NBEA: variants seen among roughly 807,000 people sequenced by gnomAD.
NBEA encodes the protein neurobeachin.
NBEA carries 44 observed loss-of-function variants against 343.4 expected under a neutral mutation model. That is an observed-to-expected ratio of 0.13 (90% CI 0.10 to 0.16). NBEA has a LOEUF of 0.16. NBEA is among the 10% of genes least tolerant of loss of function. The probability of loss-of-function intolerance (pLI) is 1.00; values close to 1 mark genes in which losing one functional copy is unlikely to be tolerated. For synonymous variants in NBEA, 1,175 were observed against 1,238.7 expected (o/e 0.95, Z 1.08); for missense variants, 2,555 against 3,631.3 (o/e 0.70, Z 7.62).
At chr13:35,454,677 G>A (rs1190393759) in intron 40 of NBEA, among the ~76,000 whole-genome samples, 1 of 151,930 alleles carries the variant, frequency 6.6e-6, no homozygotes, top group East Asian at 1.9e-4. Context: ...TGGCTAACAT[G>A]GTGAAACCCC....
At chr13:35,560,846 C>T (rs186820266) in intron 44 of NBEA, among the ~76,000 whole-genome samples, 2 of 152,268 alleles carry the variant, frequency 1.3e-5, no homozygotes, top group African/African-American at 4.8e-5. Flanking sequence ...GCCATGAACA[C>T]CACCAGCCAT....
intron 10 of NBEA, among the ~76,000 whole-genome samples, chr13:35,088,384 C>T (rs2064883566): frequency 6.6e-6 from 1 of 151,842 alleles, no homozygotes; most frequent in Non-Finnish European, 1.5e-5. Context: ...TGATGACAGC[C>T]TGCCAGTTTT....
chr13:35,516,294 C>T (rs2077484928), intron 41 of NBEA, among the ~76,000 whole-genome samples: 1 of 151,966 alleles, frequency 6.6e-6, no homozygotes, highest in Non-Finnish European at 1.5e-5. Flanking sequence ...CCATGCAAGG[C>T]TGATAGCCAG....
chr13:34,960,879 GT>G (rs2059640401), intron 1 of NBEA, among the ~76,000 whole-genome samples: 1 of 152,048 alleles, frequency 6.6e-6, no homozygotes, highest in African/African-American at 2.4e-5. Context: ...TAGAAATAAT[GT>G]TTAACCTTAT....
intron 6 of NBEA, among the ~76,000 whole-genome samples, chr13:35,051,817 T>C (rs1566212588): frequency 6.6e-6 from 1 of 152,050 alleles, no homozygotes; most frequent in Non-Finnish European, 1.5e-5. Context: ...CATGTTAGGA[T>C]TGTGTGTTTT....
rs112243238 is a variant in NBEA, at chr13:35,048,121, C to T, written c.724-442C>T. On this transcript the variant is annotated intron_variant, in intron 4 of 58. Transcript: ENST00000379939. ...TTATCTCTTAATGCTTGCATTTCTT[C>T]AATATTGATTCCATTAACATTTTCT... Among the ~76,000 whole-genome samples, 972 of 151,914 alleles carry T rather than the reference C, an allele frequency of 6.4e-3. 11 individuals carry two copies. The highest frequency in any genetic ancestry group is 0.022 in the African/African-American group (932 of 41,508).
chr13:35,609,241 C>T (rs1016534466), intron 48 of NBEA, among the ~76,000 whole-genome samples: 1 of 152,192 alleles, frequency 6.6e-6, no homozygotes, highest in Non-Finnish European at 1.5e-5. Context: ...TTTTAGACTT[C>T]TAAACATGCA....
chr13:35,389,223 C>T (rs1022224139), intron 38 of NBEA, among the ~76,000 whole-genome samples: 1 of 152,182 alleles, frequency 6.6e-6, no homozygotes. Flanking sequence ...GCCTGTGGTA[C>T]TTATATGATC....
intron 53 of NBEA, among the ~76,000 whole-genome samples, chr13:35,653,949 TA>T: frequency 6.6e-6 from 1 of 152,360 alleles, no homozygotes; most frequent in African/African-American, 2.4e-5. Flanking sequence ...CTTTTGTGTA[TA>T]ATATTTTTAT....
rs934617124 is a variant in NBEA at position 35,583,125 on chromosome 13, G to C, written c.7036-773G>C. Among the ~76,000 whole-genome samples, 3 of 152,172 alleles carry C rather than the reference G, an allele frequency of 2.0e-5. No individual in the cohort carries two copies. In the South Asian group the frequency reaches 6.2e-4, roughly 32 times the overall value. On this transcript the variant is annotated intron_variant, in intron 45 of 58. Coordinates refer to ENST00000379939, the MANE Select transcript of NBEA (RefSeq NM_001385012.1). ...TCAGACAAAAACTGAAGCTAAGGCA[G>C]TTTGCTATTTGAAATCATGAAGATG...
rs144135910 is a variant in NBEA at position 35,584,478 on chromosome 13, G to A, written c.7176+440G>A. 2.7e-3 allele frequency among the ~76,000 whole-genome samples: 401 copies of A among 149,348 alleles called. 1 individual carries two copies. Among genetic ancestry groups the A allele is most frequent in the African/African-American group, 8.3e-3 (339 of 40,792 alleles). On this transcript the variant is annotated intron_variant, in intron 46 of 58. Coordinates refer to ENST00000379939, the MANE Select transcript of NBEA (RefSeq NM_001385012.1). ...GAACTACAGGCATGTAACACCTTGC[G>A]CATCTATTATTTTTTTATTTCTCTT...
chr13:35,633,839 A>C (rs1472300298), intron 49 of NBEA, among the ~76,000 whole-genome samples: 1 of 152,188 alleles, frequency 6.6e-6, no homozygotes, highest in Non-Finnish European at 1.5e-5. Context: ...TTAATTTTAA[A>C]AAATCTGTTA....
intron 1 of NBEA, among the ~76,000 whole-genome samples, chr13:34,953,776 C>T (rs541995595): frequency 1.3e-4 from 20 of 152,164 alleles, no homozygotes; most frequent in Non-Finnish European, 2.8e-4. Flanking sequence ...GTTCCCAACC[C>T]CTGGGCCACG....
intron 1 of NBEA, among the ~76,000 whole-genome samples, chr13:35,024,292 G>A (rs763048383): frequency 7.2e-5 from 11 of 152,108 alleles, no homozygotes; most frequent in Admixed American, 2.0e-4. Context: ...ATAGTGCTGC[G>A]ATGAACATAC....
intron 23 of NBEA, among the ~76,000 whole-genome samples, chr13:35,163,566 C>T (rs1478544852): frequency 6.6e-6 from 1 of 151,298 alleles, no homozygotes; most frequent in Non-Finnish European, 1.5e-5. Flanking sequence ...ATGCACTAAG[C>T]CATGATCCCA....
chr13:35,538,266 G>A (rs562618058), intron 41 of NBEA, among the ~76,000 whole-genome samples: 41 of 152,310 alleles, frequency 2.7e-4, no homozygotes, highest in African/African-American at 9.1e-4. Context: ...TATACATGTA[G>A]CCTGAGGGTA....
At chr13:35,350,530 G>A (rs138804369) in intron 37 of NBEA, among the ~76,000 whole-genome samples, 46 of 152,080 alleles carry the variant, frequency 3.0e-4, no homozygotes, top group African/African-American at 1.1e-3. Flanking sequence ...GATTACTCTC[G>A]TTGTGGGTCA....
chr13:35,485,179 A>T (rs2076264929), intron 41 of NBEA, among the ~76,000 whole-genome samples: 1 of 152,120 alleles, frequency 6.6e-6, no homozygotes, highest in Admixed American at 6.5e-5. Flanking sequence ...TTTCATATTC[A>T]TATTATGAAA....
chr13:35,099,391 G>A (rs1285041617), intron 11 of NBEA, among the ~76,000 whole-genome samples: 2 of 151,862 alleles, frequency 1.3e-5, no homozygotes, highest in African/African-American at 2.4e-5. Context: ...GTAGAGACAG[G>A]GTTTCACCGT....
Sources: gnomAD v4.1 joint callset for allele counts (sites outside exome capture counted in the v4.1 genomes callset) on GRCh38, gnomAD v4.1.1 for gene constraint, MANE v1.5 for transcripts, NCBI Gene and HGNC (gene_info 2026-07-23, HGNC 2026-07-21) for gene names.